NOL4: variants seen among roughly 807,000 people sequenced by gnomAD.
The protein encoded by NOL4 is nucleolar protein 4, also known as cancer/testis antigen 125.
A neutral mutation model predicts 75.9 loss-of-function variants in NOL4; 17 were observed. The ratio of observed to expected loss-of-function variants is 0.22; its 90% CI spans 0.15 to 0.34. NOL4 has a LOEUF of 0.34. Ranked by LOEUF, NOL4 falls within the 10% of genes least tolerant of loss-of-function variation. The probability of loss-of-function intolerance (pLI) is 1.00; values close to 1 mark genes in which losing one functional copy is unlikely to be tolerated. For missense variants in NOL4, 614 were observed against 793.5 expected (o/e 0.77, Z 2.72); for synonymous variants, 292 against 289.9 (o/e 1.01, Z -0.07).
intron 6 of NOL4, among the ~76,000 whole-genome samples, chr18:34,009,681 A>G (rs940737451): frequency 1.3e-5 from 2 of 151,938 alleles, no homozygotes; most frequent in Admixed American, 6.6e-5. Context: ...GGAAATAATT[A>G]TGAACCCCAA....
intron 5 of NOL4, among the ~76,000 whole-genome samples, chr18:34,080,130 T>C (rs1020989295): frequency 2.0e-5 from 3 of 152,220 alleles, no homozygotes; most frequent in Non-Finnish European, 4.4e-5. Context: ...CATGTTCTTG[T>C]GCCTTTTGTC....
intron 1 of NOL4, among the ~76,000 whole-genome samples, chr18:34,188,690 G>GT (rs1304578291): frequency 4.6e-5 from 7 of 152,130 alleles, no homozygotes; most frequent in African/African-American, 7.2e-5. Context: ...ATTATATCAC[G>GT]TATCACTAAA....
intron 1 of NOL4, among the ~76,000 whole-genome samples, chr18:34,215,130 A>C (rs1471926956): frequency 6.6e-6 from 1 of 152,212 alleles, no homozygotes; most frequent in African/African-American, 2.4e-5. Flanking sequence ...CTACAATGTA[A>C]AATGATTAAT....
intron 9 of NOL4, among the ~76,000 whole-genome samples, chr18:33,905,222 A>T (rs1947992281): frequency 6.6e-6 from 1 of 152,096 alleles, no homozygotes; most frequent in Non-Finnish European, 1.5e-5. Context: ...TAGCAGGATC[A>T]CTCATCCCAC....
chr18:34,184,071 C>A (rs891366783), intron 1 of NOL4, among the ~76,000 whole-genome samples: 1 of 151,622 alleles, frequency 6.6e-6, no homozygotes, highest in Non-Finnish European at 1.5e-5. Context: ...TGAACCCCAT[C>A]CCAAAGCATA....
chr18:33,949,768 A>T (rs554528693), intron 8 of NOL4, among the ~76,000 whole-genome samples: 1 of 152,206 alleles, frequency 6.6e-6, no homozygotes, highest in South Asian at 2.1e-4. Context: ...TTAATGATCT[A>T]TGTCTTGGCC....
Position 34,223,262 on chromosome 18 carries a change from C to T in NOL4, c.-9G>A. ...TCGCGCTCGCTCTCCATGTTCCCCG[C>T]GCTCGGCCGCTGGCCGGATGCTCCC... On this transcript the variant is annotated 5_prime_UTR_variant, in exon 1 of 11. Coordinates refer to ENST00000261592, the MANE Select transcript of NOL4 (RefSeq NM_003787.5). 1 of 1,611,946 alleles carries T rather than the reference C, an allele frequency of 6.2e-7. No individual in the cohort carries two copies. The highest frequency in any genetic ancestry group is 8.5e-7 in the Non-Finnish European group (1 of 1,179,384).
intron 10 of NOL4, among the ~76,000 whole-genome samples, chr18:33,854,244 C>T (rs1000946447): frequency 5.3e-5 from 8 of 152,108 alleles, no homozygotes; most frequent in Non-Finnish European, 1.0e-4. Flanking sequence ...CAAGACCCAA[C>T]CCCCTCCACC....
chr18:33,955,425 T>C (rs2069573201), intron 8 of NOL4, among the ~76,000 whole-genome samples: 1 of 152,096 alleles, frequency 6.6e-6, no homozygotes, highest in African/African-American at 2.4e-5. Context: ...TTCCTAAACA[T>C]GAAAGGCTTG....
Position 33,896,638 on chromosome 18 carries a change from T to G in NOL4, c.1543-13214A>C, listed in dbSNP as rs892335004. ...ATCAACTCAAGATGGATTGAAGATT[T>G]AAATGTAAAACCCAAAATTATCCAA... On this transcript the variant is annotated intron_variant, in intron 9 of 10. Transcript: ENST00000261592. 5.3e-5 allele frequency among the ~76,000 whole-genome samples: 8 copies of G among 152,300 alleles called. No homozygotes were observed. In the East Asian group the frequency reaches 9.6e-4, roughly 18 times the overall value.
rs77892661 is a variant in NOL4 at position 34,104,945 on chromosome 18, T to G, written c.526+104A>C. On this transcript the variant is annotated intron_variant, in intron 3 of 10. Coordinates refer to ENST00000261592, the MANE Select transcript of NOL4 (RefSeq NM_003787.5). ...ACTTGAATAAATGAGATGATCTGAC[T>G]TGTTGAACTGTTTCAGTCTACCACG... The G allele has an allele frequency of 1.7e-3, 1,150 of 675,116 alleles. 13 individuals are homozygous for G. The African/African-American group carries it at 0.018, about 11-fold the overall frequency. The allele number at this position is 675,116 out of a possible 1,614,324, so 41.8% of individuals were successfully genotyped here. A position where few individuals can be genotyped will look rare whatever the true frequency, so the allele number is the denominator to read the frequency against.
At chr18:33,918,827 T>C (rs376489756) in intron 9 of NOL4, among the ~76,000 whole-genome samples, 2 of 152,046 alleles carry the variant, frequency 1.3e-5, no homozygotes, top group African/African-American at 2.4e-5. Context: ...TATTGAACAA[T>C]AGGAAGTTAT....
At chr18:34,043,397 T>C (rs1396425772) in intron 5 of NOL4, among the ~76,000 whole-genome samples, 1 of 152,056 alleles carries the variant, frequency 6.6e-6, no homozygotes, top group Admixed American at 6.6e-5. Flanking sequence ...TGAATTTTTG[T>C]GAGATAACCG....
chr18:34,061,598 T>C (rs527254862), intron 5 of NOL4, among the ~76,000 whole-genome samples: 18 of 152,272 alleles, frequency 1.2e-4, no homozygotes, highest in South Asian at 6.2e-4. Context: ...CACTACTGTG[T>C]TGATTATAAA....
chr18:33,882,949 C>T (rs928580874), intron 10 of NOL4, among the ~76,000 whole-genome samples: 16 of 151,838 alleles, frequency 1.1e-4, no homozygotes, highest in East Asian at 7.8e-4. Flanking sequence ...AGTAAACTAT[C>T]GCAAGAACAA....
intron 5 of NOL4, among the ~76,000 whole-genome samples, chr18:34,079,819 C>T (rs967989611): frequency 1.3e-5 from 2 of 152,112 alleles, no homozygotes; most frequent in East Asian, 3.9e-4. Flanking sequence ...GAATTCTGTT[C>T]TTTGCCTGCA....
intron 10 of NOL4, among the ~76,000 whole-genome samples, chr18:33,853,751 C>T (rs1167592543): frequency 2.0e-5 from 3 of 151,984 alleles, no homozygotes; most frequent in Non-Finnish European, 4.4e-5. Context: ...TACTGACTTA[C>T]GTGTTTAGGA....
At chr18:34,134,817 G>C (rs2080824446) in intron 1 of NOL4, among the ~76,000 whole-genome samples, 1 of 151,942 alleles carries the variant, frequency 6.6e-6, no homozygotes, top group South Asian at 2.1e-4. Context: ...AGGATATTTG[G>C]GAAAACTACA....
At chr18:34,160,821 G>A (rs1033750307) in intron 1 of NOL4, among the ~76,000 whole-genome samples, 4 of 151,996 alleles carry the variant, frequency 2.6e-5, no homozygotes, top group Admixed American at 2.0e-4. Context: ...TTTGTTCTGG[G>A]AACAATCAAG....
Sources: allele counts gnomAD v4.1 joint callset (sites outside exome capture counted in the v4.1 genomes callset), GRCh38; gene constraint gnomAD v4.1.1; transcripts MANE v1.5; gene names NCBI Gene and HGNC (gene_info 2026-07-23, HGNC 2026-07-21).